The following TTLL4 variants were observed in gnomAD, a reference collection of about 807,000 sequenced individuals.
TTLL4 encodes tubulin monoglutamylase TTLL4.
A neutral mutation model predicts 122.7 loss-of-function variants in TTLL4; 85 were observed. That is an observed-to-expected ratio of 0.69 (90% CI 0.58 to 0.83). TTLL4 has a LOEUF of 0.83. Ranked by LOEUF, TTLL4 falls within the 40% of genes least tolerant of loss-of-function variation. TTLL4 has a pLI of 0.00. For synonymous variants in TTLL4, 553 were observed against 563.0 expected, an observed-to-expected ratio of 0.98 and a Z score of 0.25; for missense variants, 1,363 against 1,488.6, an observed-to-expected ratio of 0.92 and a Z score of 1.39.
chr2:218,738,821 C>T lies in TTLL4; in HGVS notation c.1145C>T (p.Pro382Leu), dbSNP rs199638822. The T allele has an allele frequency of 8.7e-6, 14 of 1,614,218 alleles. No individual in the cohort carries two copies. The East Asian group carries it at 2.2e-4, about 26-fold the overall frequency. ...VLNRSRRWKP[P>L]AVNQQFPQED... ...AACAGGAGCAGGCGGTGGAAACCTC[C>T]TGCGGTAAATCAGCAGTTTCCTCAG... Residue 382 changes from proline (P) to leucine (L), a missense_variant, in exon 3 of 20, where the codon CCT becomes CTT. Pro to Leu is a moderately conservative substitution (Grantham distance 98, BLOSUM62 -3). Transcript: ENST00000392102.
At position 218,751,105 on chromosome 2, in the gene TTLL4, TC is replaced by T. The variant is rs1470832063; in HGVS notation, c.2874-597del. On this transcript the variant is annotated intron_variant, in intron 15 of 19. Coordinates refer to ENST00000392102, the MANE Select transcript of TTLL4 (RefSeq NM_014640.5). ...GAGAGTGGTAGGACTGGAATTCAAATCCTGATTTGCCTGATAACAAAACTTA... is the reference window on the plus strand; with the variant it reads ...GAGAGTGGTAGGACTGGAATTCAAATCTGATTTGCCTGATAACAAAACTTA... Among the ~76,000 whole-genome samples the T allele has an allele frequency of 2.9e-4, 44 of 152,208 alleles. 1 individual carries two copies. Among genetic ancestry groups the T allele is most frequent in the African/African-American group, 9.2e-4 (38 of 41,452 alleles).
At chr2:218,725,314 G>A (rs545201177) in intron 1 of TTLL4, among the ~76,000 whole-genome samples, 7 of 152,200 alleles carry the variant, frequency 4.6e-5, no homozygotes, top group African/African-American at 1.7e-4. Context: ...CCATCTCCTG[G>A]GCTCAAGCGC....
chr2:218,747,909 T>G lies in TTLL4; in HGVS notation c.2378+184T>G. On this transcript the variant is annotated intron_variant, in intron 11 of 19. Coordinates refer to ENST00000392102, the MANE Select transcript of TTLL4 (RefSeq NM_014640.5). This position sits in a 1 kb window ranked among gnomAD's most constrained non-coding sequence, Gnocchi z 4.7. ...GGGAGGGTCTTCCTGCATGCGGGAC[T>G]GAGGTGGGATAAAGGAGATGAGTTT... 9.0e-7 allele frequency: 1 copy of G among 1,111,672 alleles called. No homozygotes were observed. Among genetic ancestry groups the G allele is most frequent in the Non-Finnish European group, 1.3e-6 (1 of 782,764 alleles). The allele number at this position is 1,111,672 out of a possible 1,614,324, so 68.9% of individuals were successfully genotyped here. A position where few individuals can be genotyped will look rare whatever the true frequency, so the allele number is the denominator to read the frequency against.
At chr2:218,750,507 CT>C (rs1942987331) in intron 15 of TTLL4, among the ~76,000 whole-genome samples, 1 of 152,006 alleles carries the variant, frequency 6.6e-6, no homozygotes, top group Admixed American at 6.6e-5. Context: ...ACTGTACTCT[CT>C]TTAGCCTGGG....
intron 12 of TTLL4, 21 bp from the exon 13 acceptor site, chr2:218,748,815 C>G: frequency 5.6e-6 from 9 of 1,608,128 alleles, no homozygotes; most frequent in Non-Finnish European, 7.7e-6. Context: ...ATTCCTAATA[C>G]TTCCTCTTCC....
At chr2:218,751,277 A>C (rs1410733731) in intron 15 of TTLL4, among the ~76,000 whole-genome samples, 7 of 152,094 alleles carry the variant, frequency 4.6e-5, no homozygotes, top group Non-Finnish European at 1.0e-4. Flanking sequence ...GAGTCTCACT[A>C]TCTCTCTCAA....
At chr2:218,749,647 T>C (rs1276317471) in intron 14 of TTLL4, among the ~76,000 whole-genome samples, 1 of 152,142 alleles carries the variant, frequency 6.6e-6, no homozygotes, top group Non-Finnish European at 1.5e-5. Flanking sequence ...TTTTGTATTT[T>C]TAGTAGAGAC....
At chr2:218,720,471 A>G (rs1425641850) in intron 1 of TTLL4, among the ~76,000 whole-genome samples, 1 of 151,974 alleles carries the variant, frequency 6.6e-6, no homozygotes, top group Non-Finnish European at 1.5e-5. Flanking sequence ...TATAATAAGA[A>G]ATACTCCAGC....
chr2:218,714,565 C>T (rs375033746), intron 1 of TTLL4, among the ~76,000 whole-genome samples: 1 of 152,034 alleles, frequency 6.6e-6, no homozygotes, highest in Admixed American at 6.6e-5. Context: ...TGAGAGTGCT[C>T]GTTTCTCTTA....
intron 3 of TTLL4, among the ~76,000 whole-genome samples, chr2:218,739,677 G>A (rs1369675810): frequency 1.3e-5 from 2 of 152,182 alleles, no homozygotes; most frequent in African/African-American, 4.8e-5. Flanking sequence ...CTTCTGTTGT[G>A]TTTTGTTATT....
In TTLL4 at chr2:218,738,085, C is replaced by T. The variant is rs750261168; in HGVS notation, c.409C>T (p.Arg137Cys). The T allele has an allele frequency of 1.4e-5, 22 of 1,613,944 alleles. No homozygotes were observed. The highest frequency in any genetic ancestry group is 9.3e-5 in the African/African-American group (7 of 74,884). Reference protein sequence around the residue: ...PYQQLESFCLRSSPSEKSPFS... With the variant: ...PYQQLESFCLCSSPSEKSPFS... ...CCAGCAACTGGAGTCTTTCTGCTTG[C>T]GTTCGAGCCCGTCAGAAAAAAGCCC... is the stretch of plus-strand genomic sequence containing the variant. The change falls in exon 3 of 20, where the codon CGT becomes TGT. Residue 137 changes from arginine (R) to cysteine (C), a missense_variant. Transcript: ENST00000392102.
intron 13 of TTLL4, 44 bp from the exon 14 acceptor site, chr2:218,749,209 T>C: frequency 6.2e-7 from 1 of 1,610,390 alleles, no homozygotes; most frequent in Non-Finnish European, 8.5e-7. Context: ...AGTAGAGCCC[T>C]CTGGGAGGAG....
At chr2:218,730,536 A>G (rs528998806) in intron 2 of TTLL4, among the ~76,000 whole-genome samples, 14 of 151,886 alleles carry the variant, frequency 9.2e-5, no homozygotes, top group Non-Finnish European at 1.8e-4. Flanking sequence ...AATAAATAAA[A>G]TAAAAAAGAA....
In TTLL4 at chr2:218,752,750, C is replaced by T; in HGVS notation, c.2977-13C>T. The T allele has an allele frequency of 1.2e-6, 2 of 1,613,970 alleles. No individual in the cohort carries two copies. Among genetic ancestry groups the T allele is most frequent in the Non-Finnish European group, 1.7e-6 (2 of 1,179,910 alleles). ...CTCTCACACCCTTTTTCTCCCTGTT[C>T]CTTGGACCACAGGACTTCTATGCAT... On this transcript the variant is annotated splice_polypyrimidine_tract_variant and intron_variant, in intron 16 of 19. Transcript: ENST00000392102.
At chr2:218,749,049 A>G (rs61500159) in intron 13 of TTLL4, 115 bp downstream of exon 13, 71,841 of 1,310,090 alleles carry the variant, frequency 0.055, 2,199 homozygotes, top group African/African-American at 0.11. Flanking sequence ...TTTTAAGGAC[A>G]GAGAATAGGA....
At chr2:218,758,961 G>C (rs1943195501), downstream of TTLL4, among the ~76,000 whole-genome samples, 1 of 152,216 alleles carries the variant, frequency 6.6e-6, no homozygotes, top group South Asian at 2.1e-4. Flanking sequence ...AAGGAACAGA[G>C]GGCCGGGCGT....
intron 7 of TTLL4, 38 bp downstream of exon 7, chr2:218,745,839 C>T (rs1198232716): frequency 2.1e-5 from 33 of 1,572,316 alleles, no homozygotes; most frequent in Non-Finnish European, 2.9e-5. Context: ...GTCCTTTTGC[C>T]CCAAATAGAT....
At chr2:218,721,109 G>C (rs1421985385) in intron 1 of TTLL4, among the ~76,000 whole-genome samples, 1 of 152,144 alleles carries the variant, frequency 6.6e-6, no homozygotes, top group Non-Finnish European at 1.5e-5. Flanking sequence ...CTTCCATGTG[G>C]CTGTTCATCT....
chr2:218,753,425 G>C, intron 18 of TTLL4, 159 bp from the exon 19 acceptor site: 1 of 855,300 alleles, frequency 1.2e-6, no homozygotes, highest in Non-Finnish European at 1.9e-6. Flanking sequence ...ATTCAGAAGA[G>C]AACTGAGACT....
Sources: allele counts gnomAD v4.1 joint callset (sites outside exome capture counted in the v4.1 genomes callset), GRCh38; gene constraint gnomAD v4.1.1; non-coding constraint Gnocchi (gnomAD v3.1); transcripts MANE v1.5; gene names NCBI Gene and HGNC (gene_info 2026-07-23, HGNC 2026-07-21).